Variants in HEATR3 observed in about 807,000 individuals in gnomAD.
HEATR3 encodes HEAT repeat-containing protein 3.
A neutral mutation model predicts 72.8 loss-of-function variants in HEATR3; 56 were observed. The ratio of observed to expected loss-of-function variants is 0.77; its 90% CI spans 0.62 to 0.96. The LOEUF (loss-of-function observed/expected upper bound fraction) is 0.96, where lower values mean the gene tolerates loss of function less well. HEATR3 is among the 40% of genes least tolerant of loss of function. HEATR3 has a pLI of 0.00. For missense variants in HEATR3, 747 were observed against 831.4 expected (o/e 0.90, Z 1.25); for synonymous variants, 331 against 318.1 (o/e 1.04, Z -0.43).
chr16:50,078,649 C>A, intron 6 of HEATR3, 92 bp from the exon 7 acceptor site: 2 of 1,275,410 alleles, frequency 1.6e-6, no homozygotes, highest in Non-Finnish European at 2.1e-6. Context: ...TTTGAAATTA[C>A]ACTGGCCTTA....
At chr16:50,099,769 G>A (rs151090316) in intron 12 of HEATR3, among the ~76,000 whole-genome samples, 118 of 152,202 alleles carry the variant, frequency 7.8e-4, no homozygotes, top group African/African-American at 2.6e-3. Context: ...TCCACTACAT[G>A]GTAGAAGCAC....
intron 12 of HEATR3, among the ~76,000 whole-genome samples, chr16:50,097,750 A>G (rs1199576987): frequency 6.6e-6 from 1 of 151,998 alleles, no homozygotes; most frequent in Non-Finnish European, 1.5e-5. Context: ...CTCCGTCTCT[A>G]CTGAAAATTC....
At position 50,105,019 on chromosome 16, in the gene HEATR3, T is replaced by G; in HGVS notation, c.2001T>G (p.Phe667Leu). 1 of 1,613,320 alleles carries G rather than the reference T, an allele frequency of 6.2e-7. No homozygotes were observed. The highest frequency in any genetic ancestry group is 8.5e-7 in the Non-Finnish European group (1 of 1,179,734). Residue 667 changes from phenylalanine to leucine, a missense_variant, in exon 15 of 15, where the codon TTT becomes TTG. Around this residue, in one of 2 missense-constraint regions of HEATR3, gnomAD observed 586 missense variants for 708.8 expected, o/e 0.83. Transcript: ENST00000299192. Reference protein sequence around the residue: ...LDNVKMNLRRFIAYQETVEKR... With the variant: ...LDNVKMNLRRLIAYQETVEKR... ...ATGTGAAAATGAATTTGCGAAGATT[T>G]ATTGCTTATCAAGAAACTGTTGAGA...
intron 12 of HEATR3, among the ~76,000 whole-genome samples, chr16:50,098,683 AAAAATT>A (rs1289089157): frequency 6.6e-6 from 1 of 151,848 alleles, no homozygotes; most frequent in Non-Finnish European, 1.5e-5. Context: ...TAAATAATTT[AAAAATT>A]AAAATTAGAG....
Position 50,075,194 on chromosome 16 carries a change from T to G in HEATR3, c.623-377T>G, listed in dbSNP as rs200904963. ...TAGCCAGGCATCATGGCGCATACCT[T>G]TAATTCCAGTTACCTGAGAGACTGA... On this transcript the variant is annotated intron_variant, in intron 5 of 14. Transcript: ENST00000299192. 2.3e-4 allele frequency among the ~76,000 whole-genome samples: 35 copies of G among 151,746 alleles called. No individual in the cohort carries two copies. The East Asian group carries it at 6.2e-3, about 27-fold the overall frequency.
At chr16:50,098,497 A>C (rs1346601160) in intron 12 of HEATR3, 1 of 152,152 alleles carries the variant, frequency 6.6e-6, no homozygotes, top group African/African-American at 2.4e-5. Context: ...CTATTAAAAA[A>C]TACAAAAAAT....
In HEATR3 at chr16:50,072,320, G is replaced by A. The variant is rs151195723; in HGVS notation, c.513-285G>A. On this transcript the variant is annotated intron_variant, in intron 4 of 14. Coordinates refer to ENST00000299192, the MANE Select transcript of HEATR3 (RefSeq NM_182922.4). ...TATAAAATGGGGAGTTGAATTAAAC[G>A]ATTTACAAGATCTCTTCCAGCTCTA... 1.1e-4 allele frequency among the ~76,000 whole-genome samples: 17 copies of A among 152,218 alleles called. No individual in the cohort carries two copies. In the East Asian group the frequency reaches 3.3e-3, roughly 29 times the overall value.
At chr16:50,086,788 G>T (rs1019573716) in intron 11 of HEATR3, among the ~76,000 whole-genome samples, 1 of 152,132 alleles carries the variant, frequency 6.6e-6, no homozygotes, top group Non-Finnish European at 1.5e-5. Flanking sequence ...TTAACTGGGC[G>T]TGGTGGTGGA....
intron 3 of HEATR3, among the ~76,000 whole-genome samples, chr16:50,069,957 G>C (rs1044441920): frequency 1.3e-5 from 2 of 152,216 alleles, no homozygotes; most frequent in African/African-American, 4.8e-5. Flanking sequence ...GTGCTAGGTA[G>C]AAGCTCTTAT....
intron 2 of HEATR3, 131 bp from the exon 3 acceptor site, chr16:50,068,639 GGTTCTGCAGC>G (rs1207767967): frequency 1.6e-6 from 1 of 643,368 alleles, no homozygotes; most frequent in East Asian, 2.7e-5. Flanking sequence ...TCTCTGGATT[GGTTCTGCAGC>G]GTATGACAGA....
intron 12 of HEATR3, among the ~76,000 whole-genome samples, chr16:50,098,547 T>C (rs1169850125): frequency 6.6e-6 from 1 of 151,988 alleles, no homozygotes; most frequent in Admixed American, 6.6e-5. Flanking sequence ...TTCTGGCTAC[T>C]CAGGAGACTG....
intron 5 of HEATR3, chr16:50,073,111 C>A: frequency 6.2e-6 from 1 of 160,614 alleles, no homozygotes; most frequent in Non-Finnish European, 1.4e-5. Context: ...TCTCATACGT[C>A]CAGCAGAAAA....
chr16:50,077,030 G>A (rs932391223), intron 6 of HEATR3, among the ~76,000 whole-genome samples: 1 of 151,826 alleles, frequency 6.6e-6, no homozygotes, highest in African/African-American at 2.4e-5. Context: ...ACCACGCCCA[G>A]CTAATTTTTT....
In HEATR3 at chr16:50,066,210, G is replaced by A; in HGVS notation, c.79G>A (p.Ala27Thr). The change falls in exon 1 of 15, where the codon GCG becomes ACG. Residue 27 changes from alanine to threonine, a missense_variant. Around this residue, in one of 2 missense-constraint regions of HEATR3, gnomAD observed 161 missense variants for 122.6 expected, o/e 1.31. Coordinates refer to ENST00000299192, the MANE Select transcript of HEATR3 (RefSeq NM_182922.4). Reference sequence around the variant, plus strand: ...CGACTGTCAGGCCGAGGCGGCTGCGGCGGCGAATGGGACCGGAGGCGAGGA... The same window carrying A: ...CGACTGTCAGGCCGAGGCGGCTGCGACGGCGAATGGGACCGGAGGCGAGGA... ...TGDCQAEAAAAANGTGGEEDD... is the reference protein window; with the variant it reads ...TGDCQAEAAATANGTGGEEDD... 1 of 1,579,926 alleles carries A rather than the reference G, an allele frequency of 6.3e-7. No homozygotes were observed. The highest frequency in any genetic ancestry group is 8.6e-7 in the Non-Finnish European group (1 of 1,164,400).
intron 5 of HEATR3, chr16:50,073,496 A>G (rs1416391411): frequency 6.6e-6 from 1 of 152,214 alleles, no homozygotes; most frequent in Non-Finnish European, 1.5e-5. Flanking sequence ...GGATATTTTT[A>G]AGAGAACAGA....
chr16:50,072,829 A>G (rs1239623010), intron 5 of HEATR3, 115 bp downstream of exon 5: 8 of 698,928 alleles, frequency 1.1e-5, no homozygotes, highest in Non-Finnish European at 2.1e-5. Flanking sequence ...TTGTATGTGA[A>G]TGTGTAGCTC....
intron 7 of HEATR3, among the ~76,000 whole-genome samples, chr16:50,079,837 C>T (rs1256884522): frequency 6.6e-6 from 1 of 152,166 alleles, no homozygotes; most frequent in African/African-American, 2.4e-5. Context: ...AAGACAGACA[C>T]ATAAAACCAT....
Position 50,106,500 on chromosome 16 carries a change from A to G in HEATR3, c.*1439A>G, listed in dbSNP as rs868667458. On this transcript the variant is annotated 3_prime_UTR_variant, in exon 15 of 15. Transcript: ENST00000299192. ...TGCTAATGCATATTGCTTGGAATAT[A>G]TGTGAGACATTAAAAAAATGACAGC... 1 of 152,288 alleles carries G rather than the reference A, an allele frequency of 6.6e-6. No individual in the cohort carries two copies. Among genetic ancestry groups the G allele is most frequent in the South Asian group, 2.1e-4 (1 of 4,822 alleles). 9.4% of individuals were successfully genotyped at this position (152,288 alleles called of 1,614,324 possible).
At chr16:50,081,423 C>T (rs1250945714) in intron 7 of HEATR3, among the ~76,000 whole-genome samples, 2 of 151,776 alleles carry the variant, frequency 1.3e-5, no homozygotes, top group African/African-American at 4.8e-5. Context: ...CCAGCCTGGG[C>T]AACTGAGCGA....
Sources: gnomAD v4.1 joint callset for allele counts (sites outside exome capture counted in the v4.1 genomes callset) on GRCh38, gnomAD v4.1.1 for gene constraint, gnomAD v4.1.1 regional missense constraint, MANE v1.5 for transcripts, NCBI Gene and HGNC (gene_info 2026-07-23, HGNC 2026-07-21) for gene names.